Variants in TMEM87A observed in about 807,000 individuals in gnomAD.
TMEM87A encodes transmembrane protein 87A.
A neutral mutation model predicts 90.0 loss-of-function variants in TMEM87A; 50 were observed. The ratio of observed to expected loss-of-function variants is 0.56; its 90% CI spans 0.44 to 0.70. The LOEUF is 0.70. Ranked by LOEUF, TMEM87A falls within the 30% of genes least tolerant of loss-of-function variation. TMEM87A has a pLI of 0.00. For synonymous variants in TMEM87A, 226 were observed against 226.7 expected, an observed-to-expected ratio of 1.00 and a Z score of 0.03; for missense variants, 577 against 660.5, an observed-to-expected ratio of 0.87 and a Z score of 1.39.
At chr15:42,220,212 C>A in intron 15 of TMEM87A, 77 bp from the exon 16 acceptor site, 1 of 1,043,518 alleles carries the variant, frequency 9.6e-7, no homozygotes, top group Non-Finnish European at 1.4e-6. Flanking sequence ...TTTTACAAAA[C>A]TAATTATTGA....
At chr15:42,235,075 G>A (rs1371141132) in intron 10 of TMEM87A, among the ~76,000 whole-genome samples, 3 of 152,116 alleles carry the variant, frequency 2.0e-5, no homozygotes, top group South Asian at 2.1e-4. Flanking sequence ...GTCTCGTTCT[G>A]TTACCCAGGC....
intron 6 of TMEM87A, chr15:42,258,607 A>G: frequency 1.7e-6 from 1 of 585,944 alleles, no homozygotes; most frequent in Non-Finnish European, 2.2e-6. Flanking sequence ...TTGTATTTTT[A>G]GTAAAGACAA....
At chr15:42,217,360 C>A (rs1314557242) in intron 19 of TMEM87A, among the ~76,000 whole-genome samples, 2 of 152,188 alleles carry the variant, frequency 1.3e-5, no homozygotes, top group African/African-American at 4.8e-5. Context: ...ATAATCCTTA[C>A]TATCTGAAGA....
At chr15:42,264,699 A>ATATATATATATATATACATATTT (rs10681614) in intron 3 of TMEM87A, among the ~76,000 whole-genome samples, 1 of 109,424 alleles carries the variant, frequency 9.1e-6, no homozygotes, top group African/African-American at 3.1e-5. Flanking sequence ...ATATATATAT[A>ATATATATATATATATACATATTT]TTTTTTTTTT....
intron 13 of TMEM87A, 80 bp downstream of exon 13, chr15:42,228,632 C>A: frequency 8.3e-7 from 1 of 1,205,744 alleles, no homozygotes; most frequent in Non-Finnish European, 1.2e-6. Flanking sequence ...CTTTCTATGT[C>A]CACCCATGGC....
chr15:42,267,011 T>C (rs1241075174), intron 3 of TMEM87A, among the ~76,000 whole-genome samples: 2 of 152,218 alleles, frequency 1.3e-5, no homozygotes, highest in Non-Finnish European at 2.9e-5. Flanking sequence ...CAACTGACAG[T>C]ATTCACTGCC....
At chr15:42,247,337 T>C (rs2050996797) in intron 6 of TMEM87A, among the ~76,000 whole-genome samples, 1 of 152,236 alleles carries the variant, frequency 6.6e-6, no homozygotes, top group Non-Finnish European at 1.5e-5. Context: ...TTGCTTTTGG[T>C]GTTTCAGTCA....
At chr15:42,242,485 A>G (rs2050889312) in intron 7 of TMEM87A, among the ~76,000 whole-genome samples, 1 of 151,132 alleles carries the variant, frequency 6.6e-6, no homozygotes, top group East Asian at 2.0e-4. Flanking sequence ...ATGGGCCTAA[A>G]AAGACAGGAG....
intron 2 of TMEM87A, 135 bp from the exon 3 acceptor site, chr15:42,268,167 G>A (rs2051443084): frequency 1.2e-5 from 7 of 580,986 alleles, no homozygotes; most frequent in Non-Finnish European, 1.8e-5. Flanking sequence ...CCAAACATAA[G>A]GTATTGAAAT....
intron 15 of TMEM87A, 41 bp downstream of exon 15, chr15:42,226,765 G>C: frequency 1.3e-6 from 2 of 1,539,804 alleles, no homozygotes; most frequent in Non-Finnish European, 1.8e-6. Flanking sequence ...TGATGACATG[G>C]TCATCTCATG....
At chr15:42,244,014 T>A in intron 7 of TMEM87A, 36 bp downstream of exon 7, 1 of 1,267,674 alleles carries the variant, frequency 7.9e-7, no homozygotes, top group Admixed American at 2.5e-5. Flanking sequence ...CATAACCAGA[T>A]AATAACATAA....
intron 9 of TMEM87A, among the ~76,000 whole-genome samples, 189 bp from the exon 10 acceptor site, chr15:42,236,608 T>C (rs1052143666): frequency 2.0e-5 from 3 of 152,228 alleles, no homozygotes; most frequent in African/African-American, 4.8e-5. Flanking sequence ...CTCATGTCTA[T>C]GTATGGCAAT....
At chr15:42,241,085 A>G (rs1171844210) in intron 7 of TMEM87A, among the ~76,000 whole-genome samples, 1 of 152,232 alleles carries the variant, frequency 6.6e-6, no homozygotes, top group Non-Finnish European at 1.5e-5. Flanking sequence ...AGAGTTGGGT[A>G]GTTATAATAG....
At chr15:42,243,969 C>A in intron 7 of TMEM87A, 81 bp downstream of exon 7, 1 of 792,650 alleles carries the variant, frequency 1.3e-6, no homozygotes, top group Non-Finnish European at 1.9e-6. Flanking sequence ...ACCTGTAATA[C>A]CTAATAAAAA....
chr15:42,217,670 CT>C, intron 19 of TMEM87A, 132 bp downstream of exon 19: 1 of 761,114 alleles, frequency 1.3e-6, no homozygotes. Context: ...TATTCTTATC[CT>C]TTTCAACTAT....
intron 6 of TMEM87A, among the ~76,000 whole-genome samples, chr15:42,244,517 A>G (rs995452734): frequency 2.0e-5 from 3 of 151,882 alleles, no homozygotes; most frequent in African/African-American, 7.3e-5. Flanking sequence ...AGGAATTTAA[A>G]TGATTATTTA....
Position 42,247,640 on chromosome 15 carries a change from G to T in TMEM87A, c.505-3473C>A, listed in dbSNP as rs148143256. ...CTGAGGCCTCTGTTCTGTTCCATTG[G>T]TCTATATGTCTGTTTTGGTACCAGT... On this transcript the variant is annotated intron_variant, in intron 6 of 19. Transcript: ENST00000389834. Among the ~76,000 whole-genome samples, 420 of 152,172 alleles carry T rather than the reference G, an allele frequency of 2.8e-3. 3 individuals are homozygous for T. Among genetic ancestry groups the T allele is most frequent in the African/African-American group, 9.5e-3 (393 of 41,496 alleles).
At chr15:42,272,217 C>G in intron 1 of TMEM87A, 94 bp from the exon 2 acceptor site, 1 of 895,818 alleles carries the variant, frequency 1.1e-6, no homozygotes, top group Non-Finnish European at 1.7e-6. Context: ...TCCAACTTAA[C>G]TTAAATCTTT....
chr15:42,222,858 C>A (rs1449869649), intron 15 of TMEM87A, among the ~76,000 whole-genome samples: 1 of 152,152 alleles, frequency 6.6e-6, no homozygotes, highest in African/African-American at 2.4e-5. Context: ...TAGCGCCCGG[C>A]CTGATTGTGA....
Sources: gnomAD v4.1 joint callset for allele counts (sites outside exome capture counted in the v4.1 genomes callset) on GRCh38, gnomAD v4.1.1 for gene constraint, MANE v1.5 for transcripts, NCBI Gene and HGNC (gene_info 2026-07-23, HGNC 2026-07-21) for gene names.